The following FMN2 variants were observed in gnomAD, a reference collection of about 807,000 sequenced individuals.
The protein encoded by FMN2 is formin 2.
FMN2 carries 51 observed loss-of-function variants against 142.3 expected under a neutral mutation model. The observed-to-expected ratio is 0.36, with a 90% CI of 0.29 to 0.45. The LOEUF is 0.45. FMN2 is among the 20% of genes least tolerant of loss of function. The pLI is 1.00. For missense variants in FMN2, 1,936 were observed against 2,122.8 expected, an observed-to-expected ratio of 0.91 and a Z score of 1.73; for synonymous variants, 882 against 869.8, an observed-to-expected ratio of 1.01 and a Z score of -0.25.
chr1:240,260,308 G>A (rs1668582875), intron 7 of FMN2, among the ~76,000 whole-genome samples: 1 of 152,124 alleles, frequency 6.6e-6, no homozygotes, highest in South Asian at 2.1e-4. Context: ...TCTACTTTTA[G>A]TTATTTAAGG....
intron 14 of FMN2, among the ~76,000 whole-genome samples, chr1:240,358,206 G>A (rs1224688626): frequency 6.6e-6 from 1 of 152,088 alleles, no homozygotes; most frequent in African/African-American, 2.4e-5. Flanking sequence ...TGTTGGGTAT[G>A]ACTTACAGCA....
At chr1:240,108,335 C>T (rs1661689475) in intron 1 of FMN2, among the ~76,000 whole-genome samples, 1 of 152,158 alleles carries the variant, frequency 6.6e-6, no homozygotes, top group Non-Finnish European at 1.5e-5. Flanking sequence ...GCATTTTGGA[C>T]CTAAAACTAG....
At chr1:240,413,721 C>A (rs1674490303) in intron 15 of FMN2, among the ~76,000 whole-genome samples, 1 of 152,184 alleles carries the variant, frequency 6.6e-6, no homozygotes, top group African/African-American at 2.4e-5. Flanking sequence ...CATGTTTGGA[C>A]ATCATAGGAG....
chr1:240,291,681 T>C (rs1558415741), intron 7 of FMN2, among the ~76,000 whole-genome samples: 1 of 152,224 alleles, frequency 6.6e-6, no homozygotes, highest in Admixed American at 6.5e-5. Context: ...TTCACTCTAA[T>C]GGTTTATCAT....
Position 240,208,471 on chromosome 1 carries a change from C to T in FMN2, c.3659C>T (p.Ala1220Val), listed in dbSNP as rs766292167. 1.9e-6 allele frequency: 3 copies of T among 1,610,260 alleles called. No individual in the cohort carries two copies. The highest frequency in any genetic ancestry group is 2.5e-6 in the Non-Finnish European group (3 of 1,178,706). ...PPLPGMGIPP[A>V]PAPPLPPPGT... ...TTGCCAGGTATGGGGATTCCACCTG[C>T]TCCAGCTCCCCCACTCCCTCCACCT... Residue 1220 changes from alanine to valine, a missense_variant, in exon 5 of 18, where the codon GCT becomes GTT. Around this residue, in one of 8 missense-constraint regions of FMN2, gnomAD observed 259 missense variants for 230.9 expected, o/e 1.12. Transcript: ENST00000319653.
rs959720737 is a variant in FMN2, at chr1:240,262,864, A to G, written c.4153+4832A>G. On this transcript the variant is annotated intron_variant, in intron 7 of 17. Transcript: ENST00000319653. ...CAATCTCCGCCTCCCAGGTTCAAGC[A>G]ATTCTTATCCCTCAGCCCCCCGAGT... is the stretch of plus-strand genomic sequence containing the variant. Among the ~76,000 whole-genome samples the G allele has an allele frequency of 2.7e-5, 4 of 149,646 alleles. No individual in the cohort carries two copies. In the East Asian group the frequency reaches 8.0e-4, roughly 30 times the overall value.
At chr1:240,302,917 A>T (rs1028124188) in intron 8 of FMN2, among the ~76,000 whole-genome samples, 1 of 152,076 alleles carries the variant, frequency 6.6e-6, no homozygotes, top group Non-Finnish European at 1.5e-5. Context: ...ATACATTTTT[A>T]TGCCCTATAT....
At position 240,331,890 on chromosome 1, in the gene FMN2, T is replaced by G. The variant is rs554229783; in HGVS notation, c.4584+1141T>G. 1.9e-4 allele frequency among the ~76,000 whole-genome samples: 29 copies of G among 152,320 alleles called. 1 individual carries two copies. In the South Asian group the frequency reaches 5.8e-3, roughly 30 times the overall value. ...GTGCTGAATATCTCATGTAATTTATTGAATACTGTGCTGCAAGTGAAAAAC... is the reference window on the plus strand; with the variant it reads ...GTGCTGAATATCTCATGTAATTTATGGAATACTGTGCTGCAAGTGAAAAAC... On this transcript the variant is annotated intron_variant, in intron 11 of 17. Coordinates refer to ENST00000319653, the MANE Select transcript of FMN2 (RefSeq NM_020066.5).
chr1:240,093,796 C>T lies in FMN2; in HGVS notation c.1615+72C>T, dbSNP rs578197357. 94 of 1,106,418 alleles carry T rather than the reference C, an allele frequency of 8.5e-5. No homozygotes were observed. The East Asian group carries it at 1.8e-3, about 22-fold the overall frequency. 68.5% of individuals were successfully genotyped at this position (1,106,418 alleles called of 1,614,324 possible). On this transcript the variant is annotated intron_variant, in intron 1 of 17. Transcript: ENST00000319653. ...GTCAGGGCCTTCCCCTGCCACCCGC[C>T]CTCCCTGGGCTCTGGAAGGCGGTGA...
chr1:240,193,625 G>A (rs1232085170), intron 4 of FMN2, among the ~76,000 whole-genome samples: 1 of 152,252 alleles, frequency 6.6e-6, no homozygotes, highest in Non-Finnish European at 1.5e-5. Context: ...TAGTCCAGGT[G>A]ACCTGAGAGG....
chr1:240,177,143 G>A (rs1241384681), intron 2 of FMN2, among the ~76,000 whole-genome samples: 1 of 152,058 alleles, frequency 6.6e-6, no homozygotes. Context: ...TGCATATATT[G>A]AGCATATGCA....
At chr1:240,277,781 C>T (rs1292822381) in intron 7 of FMN2, among the ~76,000 whole-genome samples, 2 of 151,920 alleles carry the variant, frequency 1.3e-5, no homozygotes, top group Admixed American at 6.6e-5. Context: ...GTGATCCGCC[C>T]GTCTTGGCCT....
chr1:240,230,772 A>G (rs1017380350), intron 6 of FMN2, among the ~76,000 whole-genome samples: 2 of 131,454 alleles, frequency 1.5e-5, no homozygotes, highest in Non-Finnish European at 3.2e-5. Flanking sequence ...GTACTTAATT[A>G]CCCCTGTAAG....
At chr1:240,372,190 C>A (rs1572241717) in intron 14 of FMN2, among the ~76,000 whole-genome samples, 1 of 152,148 alleles carries the variant, frequency 6.6e-6, no homozygotes, top group African/African-American at 2.4e-5. Flanking sequence ...AAGCCGAGAT[C>A]ACGTCATTGC....
intron 8 of FMN2, among the ~76,000 whole-genome samples, chr1:240,325,040 G>A (rs1286650965): frequency 6.6e-6 from 1 of 152,106 alleles, no homozygotes; most frequent in Non-Finnish European, 1.5e-5. Context: ...TCATCGCTGT[G>A]GTTGTAGAAT....
At chr1:240,170,885 A>C in intron 2 of FMN2, 4 of 799,590 alleles carry the variant, frequency 5.0e-6, no homozygotes, top group Non-Finnish European at 6.9e-6. Flanking sequence ...GGAGCCACTG[A>C]ATGTATGAAC....
chr1:240,100,308 T>C (rs1273556927), intron 1 of FMN2, among the ~76,000 whole-genome samples: 1 of 152,172 alleles, frequency 6.6e-6, no homozygotes, highest in East Asian at 1.9e-4. Context: ...ATAGAGAAAA[T>C]TGTATTCCTC....
At chr1:240,206,114 G>A (rs1432584169) in intron 4 of FMN2, among the ~76,000 whole-genome samples, 1 of 151,348 alleles carries the variant, frequency 6.6e-6, no homozygotes, top group African/African-American at 2.4e-5. Flanking sequence ...ATGTTGCTCA[G>A]GCTGGTCTTG....
chr1:240,289,977 C>T (rs1459888675), intron 7 of FMN2, among the ~76,000 whole-genome samples: 2 of 152,070 alleles, frequency 1.3e-5, no homozygotes, highest in African/African-American at 4.8e-5. Flanking sequence ...AAGCATGTAC[C>T]ACATTTCTGG....
Sources: allele counts gnomAD v4.1 joint callset (sites outside exome capture counted in the v4.1 genomes callset), GRCh38; gene constraint gnomAD v4.1.1; regional missense constraint gnomAD v4.1.1; transcripts MANE v1.5; gene names NCBI Gene and HGNC (gene_info 2026-07-23, HGNC 2026-07-21).